The following TRIM51G variants were observed in gnomAD, a reference collection of about 807,000 sequenced individuals.
TRIM51G encodes the protein tripartite motif-containing protein 51G.
chr11:48,978,802 T>A, the TRIM51G span: 2 of 730,136 alleles, frequency 2.7e-6, no homozygotes, highest in Non-Finnish European at 5.0e-6. Context: ...GGAGACGGAT[T>A]TCAGGAGAGA....
At chr11:48,981,252 G>A in the TRIM51G span, 1 of 1,600,902 alleles carries the variant, frequency 6.2e-7, no homozygotes, top group Middle Eastern at 2.3e-4. Context: ...CATGTGTCCT[G>A]TATAGAAATA....
At chr11:48,983,799 T>C in the TRIM51G span, among the ~76,000 whole-genome samples, 2 of 152,198 alleles carry the variant, frequency 1.3e-5, no homozygotes, top group South Asian at 4.1e-4. Context: ...TTTTAAGTAT[T>C]CCCCAAGATC....
At chr11:48,979,975 A>T in the TRIM51G span, among the ~76,000 whole-genome samples, 3 of 151,874 alleles carry the variant, frequency 2.0e-5, no homozygotes, top group South Asian at 6.2e-4. Context: ...TTAAAACTCA[A>T]ACCCTCATCC....
At chr11:48,975,564 T>C in the TRIM51G span, 1 of 1,384,624 alleles carries the variant, frequency 7.2e-7, no homozygotes, top group Admixed American at 1.7e-5. Context: ...GGATGGTGTA[T>C]ATCAGGGAAC....
the TRIM51G span, chr11:48,981,506 G>A: frequency 9.3e-6 from 15 of 1,605,840 alleles, no homozygotes; most frequent in Non-Finnish European, 1.3e-5. Flanking sequence ...TTAGTTTTGA[G>A]GTTTCTCTGC....
the TRIM51G span, among the ~76,000 whole-genome samples, chr11:48,978,666 T>C: frequency 3.9e-5 from 6 of 152,330 alleles, no homozygotes; most frequent in African/African-American, 1.4e-4. Flanking sequence ...CATAGTTTTG[T>C]TGCTGGTGGA....
chr11:48,978,952 C>A, the TRIM51G span: 1 of 1,587,346 alleles, frequency 6.3e-7, no homozygotes, highest in Admixed American at 1.7e-5. Context: ...CTGGAATGTT[C>A]CATTCTGGCT....
At chr11:48,977,403 C>G in the TRIM51G span, among the ~76,000 whole-genome samples, 15 of 152,120 alleles carry the variant, frequency 9.9e-5, no homozygotes, top group East Asian at 1.9e-4. Flanking sequence ...GATCTTTCTT[C>G]GTATTGCTCC....
chr11:48,976,715 T>C, the TRIM51G span, among the ~76,000 whole-genome samples: 1 of 152,150 alleles, frequency 6.6e-6, no homozygotes, highest in Non-Finnish European at 1.5e-5. Context: ...TATTCCCCAA[T>C]GAAATGTTTT....
the TRIM51G span, chr11:48,979,199 C>G: frequency 4.9e-6 from 3 of 615,920 alleles, no homozygotes; most frequent in Non-Finnish European, 9.2e-6. Context: ...TATTTTAATC[C>G]TCGATCTTGT....
At chr11:48,979,938 C>T in the TRIM51G span, among the ~76,000 whole-genome samples, 2 of 151,650 alleles carry the variant, frequency 1.3e-5, no homozygotes, top group Non-Finnish European at 2.9e-5. Flanking sequence ...TGAATTTTTC[C>T]ATGAGCCTTT....
chr11:48,975,792 A>G, the TRIM51G span: 14 of 1,557,746 alleles, frequency 9.0e-6, no homozygotes, highest in Non-Finnish European at 3.5e-6. Context: ...TACAGACACC[A>G]AAAGCCCAAT....
chr11:48,978,104 G>A, the TRIM51G span: 1 of 508,244 alleles, frequency 2.0e-6, no homozygotes, highest in Admixed American at 2.1e-5. Context: ...TGTGGAAACT[G>A]AAAGAATCTG....
chr11:48,982,068 G>T, the TRIM51G span, among the ~76,000 whole-genome samples: 2 of 152,100 alleles, frequency 1.3e-5, no homozygotes, highest in Non-Finnish European at 2.9e-5. Context: ...GACTGTGGGA[G>T]AGGTGTAGAA....
At chr11:48,975,559 G>T in the TRIM51G span, 3 of 1,383,998 alleles carry the variant, frequency 2.2e-6, no homozygotes, top group East Asian at 6.9e-5. Flanking sequence ...ATTAGGGATG[G>T]TGTATATCAG....
the TRIM51G span, among the ~76,000 whole-genome samples, chr11:48,979,902 C>T: frequency 6.6e-6 from 1 of 151,552 alleles, no homozygotes; most frequent in Middle Eastern, 3.4e-3. Context: ...TATATATTTG[C>T]TCCTGATCAA....
At chr11:48,979,420 A>G in the TRIM51G span, among the ~76,000 whole-genome samples, 2 of 152,190 alleles carry the variant, frequency 1.3e-5, no homozygotes, top group African/African-American at 2.4e-5. Context: ...CTGACTAGGT[A>G]AGAAACCATT....
At chr11:48,978,290 G>C in the TRIM51G span, 5 of 422,848 alleles carry the variant, frequency 1.2e-5, no homozygotes, top group African/African-American at 8.4e-5. Flanking sequence ...AGCATTTTCT[G>C]TTTCTTTTCT....
At chr11:48,978,888 A>C in the TRIM51G span, 1 of 1,477,002 alleles carries the variant, frequency 6.8e-7, no homozygotes, top group East Asian at 2.3e-5. Context: ...TAGCTCCACA[A>C]CTGCTTTATG....
Sources: allele counts gnomAD v4.1 joint callset (sites outside exome capture counted in the v4.1 genomes callset), GRCh38; gene constraint gnomAD v4.1.1; transcripts MANE v1.5; gene names NCBI Gene and HGNC (gene_info 2026-07-23, HGNC 2026-07-21).